The following MAGI2 variants were observed in gnomAD, a reference collection of about 807,000 sequenced individuals.
MAGI2 encodes membrane-associated guanylate kinase, WW and PDZ domain-containing protein 2.
MAGI2 carries 35 observed loss-of-function variants against 133.3 expected under a neutral mutation model. The observed-to-expected ratio is 0.26, with a 90% CI of 0.20 to 0.35. The LOEUF is 0.35. Ranked by LOEUF, MAGI2 falls within the 10% of genes least tolerant of loss-of-function variation. The pLI, the probability that MAGI2 is intolerant of heterozygous loss-of-function variation, is 1.00. For missense variants in MAGI2, 1,636 were observed against 1,863.4 expected, an observed-to-expected ratio of 0.88 and a Z score of 2.25; for synonymous variants, 729 against 710.6, an observed-to-expected ratio of 1.03 and a Z score of -0.41.
intron 2 of MAGI2, among the ~76,000 whole-genome samples, chr7:78,831,186 T>C (rs916679249): frequency 2.6e-5 from 4 of 152,162 alleles, no homozygotes; most frequent in Admixed American, 6.5e-5. Context: ...GTTTCATTAG[T>C]AGATTCATGC....
chr7:79,389,713 T>C (rs1011883836), intron 1 of MAGI2, among the ~76,000 whole-genome samples: 11 of 148,906 alleles, frequency 7.4e-5, no homozygotes, highest in Non-Finnish European at 1.6e-4. Context: ...ATAGATTCTA[T>C]GAGAATAAAA....
chr7:79,452,068 A>T (rs756216546), intron 1 of MAGI2, among the ~76,000 whole-genome samples: 5 of 151,912 alleles, frequency 3.3e-5, no homozygotes, highest in Non-Finnish European at 5.9e-5. Context: ...GTCAGGTTGG[A>T]GCTGAGGGAG....
At chr7:78,294,702 C>T (rs528201177) in intron 9 of MAGI2, among the ~76,000 whole-genome samples, 40 of 152,200 alleles carry the variant, frequency 2.6e-4, no homozygotes, top group African/African-American at 7.5e-4. Context: ...GCCAACCAAC[C>T]GATCAACAAG....
intron 6 of MAGI2, among the ~76,000 whole-genome samples, chr7:78,388,402 C>A (rs560511936): frequency 2.8e-4 from 43 of 151,898 alleles, no homozygotes; most frequent in Admixed American, 1.1e-3. Flanking sequence ...TTAGAGTGTG[C>A]GGCAGGTAAA....
intron 6 of MAGI2, among the ~76,000 whole-genome samples, chr7:78,398,428 T>C (rs1796557894): frequency 6.6e-6 from 1 of 152,122 alleles, no homozygotes. Context: ...TGGACATATA[T>C]GGAACTTCTG....
rs557292621 is a variant in MAGI2, at chr7:79,117,579, T to C, written c.302-110373A>G. 3.3e-5 allele frequency among the ~76,000 whole-genome samples: 5 copies of C among 152,334 alleles called. No homozygotes were observed. In the South Asian group the frequency reaches 6.2e-4, roughly 19 times the overall value. On this transcript the variant is annotated intron_variant, in intron 1 of 21. Coordinates refer to ENST00000354212, the MANE Select transcript of MAGI2 (RefSeq NM_012301.4). ...GAAACTATATTTTTAGATGTTATTA[T>C]TCATTATAATTGCTAGAAACAGCAT...
intron 2 of MAGI2, among the ~76,000 whole-genome samples, chr7:78,700,992 ATAT>A (rs1165650151): frequency 2.0e-5 from 3 of 150,590 alleles, no homozygotes; most frequent in Admixed American, 6.6e-5. Flanking sequence ...TATAAATAAA[ATAT>A]TAAATTTTAA....
chr7:78,531,588 G>A (rs529087271), intron 3 of MAGI2, among the ~76,000 whole-genome samples: 1 of 152,194 alleles, frequency 6.6e-6, no homozygotes, highest in Non-Finnish European at 1.5e-5. Flanking sequence ...CGTAAGAAAA[G>A]GAAAGTGAAA....
chr7:78,026,916 GACTGAGGTACTT>G (rs1808976215), intron 21 of MAGI2, among the ~76,000 whole-genome samples: 1 of 152,160 alleles, frequency 6.6e-6, no homozygotes, highest in Non-Finnish European at 1.5e-5. Context: ...AGCTAACACT[GACTGAGGTACTT>G]ACTAGATGCC....
intron 9 of MAGI2, among the ~76,000 whole-genome samples, chr7:78,267,100 G>A (rs898498404): frequency 2.0e-5 from 3 of 152,160 alleles, no homozygotes; most frequent in Non-Finnish European, 4.4e-5. Context: ...GTTCTGACTA[G>A]TGCTTCAATT....
intron 1 of MAGI2, among the ~76,000 whole-genome samples, chr7:79,438,870 C>A (rs1172474558): frequency 2.6e-5 from 4 of 152,056 alleles, no homozygotes; most frequent in African/African-American, 9.7e-5. Context: ...AACAGAAAAC[C>A]ACTTTATGTT....
At chr7:78,044,401 T>A (rs182815359) in intron 21 of MAGI2, among the ~76,000 whole-genome samples, 24 of 152,260 alleles carry the variant, frequency 1.6e-4, no homozygotes, top group Admixed American at 1.6e-3. Flanking sequence ...GATAGAGGTG[T>A]AAGGGCCACC....
At chr7:78,067,515 G>A (rs531451093) in intron 21 of MAGI2, among the ~76,000 whole-genome samples, 26 of 152,184 alleles carry the variant, frequency 1.7e-4, no homozygotes, top group Non-Finnish European at 3.4e-4. Flanking sequence ...ATGCTGAACC[G>A]ACCAGAGACC....
intron 1 of MAGI2, among the ~76,000 whole-genome samples, chr7:79,385,072 A>C (rs1237731315): frequency 1.3e-5 from 2 of 151,826 alleles, no homozygotes; most frequent in Non-Finnish European, 1.5e-5. Flanking sequence ...ATTTTCTTTA[A>C]AGTCTTATAG....
At chr7:78,248,932 A>C (rs1792084381) in intron 10 of MAGI2, among the ~76,000 whole-genome samples, 1 of 152,096 alleles carries the variant, frequency 6.6e-6, no homozygotes, top group African/African-American at 2.4e-5. Context: ...AAATAGGAGA[A>C]AACCTACAAA....
chr7:79,138,765 G>C (rs910861067), intron 1 of MAGI2, among the ~76,000 whole-genome samples: 7 of 152,092 alleles, frequency 4.6e-5, no homozygotes, highest in Admixed American at 1.3e-4. Flanking sequence ...CAGCACTGTG[G>C]GAGGCCAAGG....
Position 78,544,675 on chromosome 7 carries a change from T to C in MAGI2, c.539-23030A>G, listed in dbSNP as rs560069273. Among the ~76,000 whole-genome samples the C allele has an allele frequency of 7.9e-5, 12 of 152,170 alleles. 1 individual carries two copies. In the South Asian group the frequency reaches 2.3e-3, roughly 29 times the overall value. The stretch of plus-strand genomic sequence containing the variant: ...AAACTCTGAAGTATATGCCAGACAT[T>C]GAATCAGAATCTTCATTTTAACAAG... On this transcript the variant is annotated intron_variant, in intron 3 of 21. Coordinates refer to ENST00000354212, the MANE Select transcript of MAGI2 (RefSeq NM_012301.4).
rs146743244 is a variant in MAGI2 at position 78,432,014 on chromosome 7, G to A, written c.1045+57747C>T. Among the ~76,000 whole-genome samples the A allele has an allele frequency of 3.7e-3, 566 of 151,828 alleles. 1 individual carries two copies. The highest frequency in any genetic ancestry group is 6.1e-3 in the Non-Finnish European group (413 of 67,878). On this transcript the variant is annotated intron_variant, in intron 6 of 21. Coordinates refer to ENST00000354212, the MANE Select transcript of MAGI2 (RefSeq NM_012301.4). ...ATAAAAATTATACCAAATCTTAAGC[G>A]TTCAAATACTTAATTTAAAGAAAAG...
intron 1 of MAGI2, among the ~76,000 whole-genome samples, chr7:79,049,003 T>C (rs549501865): frequency 1.3e-5 from 2 of 152,282 alleles, no homozygotes; most frequent in South Asian, 4.1e-4. Context: ...AATAAACTGT[T>C]CTGTTGCTAT....
Sources: gnomAD v4.1 joint callset for allele counts (sites outside exome capture counted in the v4.1 genomes callset) on GRCh38, gnomAD v4.1.1 for gene constraint, MANE v1.5 for transcripts, NCBI Gene and HGNC (gene_info 2026-07-23, HGNC 2026-07-21) for gene names.